The following TNFRSF19 variants were observed in gnomAD, a reference collection of about 807,000 sequenced individuals.
TNFRSF19 encodes the protein TNF receptor superfamily member 19.
A neutral mutation model predicts 46.4 loss-of-function variants in TNFRSF19; 27 were observed. That is an observed-to-expected ratio of 0.58 (90% confidence interval 0.43 to 0.80). The LOEUF is 0.80. Ranked by LOEUF, TNFRSF19 falls within the 30% of genes least tolerant of loss-of-function variation. The pLI, the probability that TNFRSF19 is intolerant of heterozygous loss-of-function variation, is 0.00. For synonymous variants in TNFRSF19, 204 were observed against 205.0 expected (o/e 1.00, Z 0.04); for missense variants, 511 against 530.8 (o/e 0.96, Z 0.37).
chr13:23,580,159 A>G (rs1878308092), intron 1 of TNFRSF19, among the ~76,000 whole-genome samples: 1 of 152,228 alleles, frequency 6.6e-6, no homozygotes, highest in African/African-American at 2.4e-5. Context: ...TTTGGCTAAT[A>G]TACTCCTGGA....
intron 5 of TNFRSF19, among the ~76,000 whole-genome samples, chr13:23,641,765 A>G (rs1250727460): frequency 6.6e-6 from 1 of 152,236 alleles, no homozygotes; most frequent in Non-Finnish European, 1.5e-5. Context: ...CCTTTGAGAT[A>G]CTTAGATAAA....
intron 3 of TNFRSF19, among the ~76,000 whole-genome samples, chr13:23,604,863 G>A (rs67252003): frequency 1.3e-5 from 2 of 152,042 alleles, no homozygotes; most frequent in South Asian, 4.1e-4. Context: ...AAAATGCAAA[G>A]CTATAAAACT....
In TNFRSF19 at chr13:23,674,243, A is replaced by C. The variant is rs145219104; in HGVS notation, c.*863A>C. On this transcript the variant is annotated 3_prime_UTR_variant, in exon 10 of 10. Coordinates refer to ENST00000248484, the MANE Select transcript of TNFRSF19 (RefSeq NM_148957.4). Reference sequence around the variant, plus strand: ...CCTGAGCTTAGAAGGTTATAGAAAAAGGGTATTTATAAACATAAATGACCT... The same window carrying C: ...CCTGAGCTTAGAAGGTTATAGAAAACGGGTATTTATAAACATAAATGACCT... 6.6e-6 allele frequency: 1 copy of C among 152,364 alleles called. No homozygotes were observed. The highest frequency in any genetic ancestry group is 1.9e-4 in the East Asian group (1 of 5,190). 9.4% of individuals were successfully genotyped at this position (152,364 alleles called of 1,614,324 possible).
intron 3 of TNFRSF19, among the ~76,000 whole-genome samples, chr13:23,598,119 C>A (rs1438045975): frequency 6.6e-6 from 1 of 152,136 alleles, no homozygotes; most frequent in East Asian, 1.9e-4. Flanking sequence ...CTATTTATGA[C>A]AAACCCACAG....
intron 4 of TNFRSF19, among the ~76,000 whole-genome samples, chr13:23,625,714 A>G (rs1881956950): frequency 6.6e-6 from 1 of 152,154 alleles, no homozygotes; most frequent in Admixed American, 6.5e-5. Flanking sequence ...AGAAGTGTAA[A>G]CTATTTTATT....
chr13:23,616,320 A>C (rs1566187333), intron 4 of TNFRSF19, among the ~76,000 whole-genome samples: 1 of 152,222 alleles, frequency 6.6e-6, no homozygotes, highest in Non-Finnish European at 1.5e-5. Context: ...TCAGTAAAAA[A>C]GAAAACTTGG....
intron 7 of TNFRSF19, among the ~76,000 whole-genome samples, chr13:23,666,710 C>T (rs928000293): frequency 7.2e-5 from 11 of 152,136 alleles, no homozygotes; most frequent in Non-Finnish European, 7.3e-5. Flanking sequence ...TCATGGTGAG[C>T]GTGACACACG....
At chr13:23,653,184 G>T (rs565259668) in intron 5 of TNFRSF19, among the ~76,000 whole-genome samples, 3 of 152,206 alleles carry the variant, frequency 2.0e-5, no homozygotes, top group Non-Finnish European at 4.4e-5. Flanking sequence ...TGAGGGGCAA[G>T]TCTAGGTCAA....
intron 1 of TNFRSF19, among the ~76,000 whole-genome samples, chr13:23,577,783 G>A (rs951282437): frequency 6.6e-6 from 1 of 152,204 alleles, no homozygotes; most frequent in African/African-American, 2.4e-5. Flanking sequence ...CTGGAAATAG[G>A]TGTAGGGCTG....
chr13:23,606,359 T>A (rs577835577), intron 3 of TNFRSF19, among the ~76,000 whole-genome samples: 252 of 151,466 alleles, frequency 1.7e-3, no homozygotes, highest in African/African-American at 4.7e-3. Flanking sequence ...ATAATTTTTT[T>A]AAAAAAAAAG....
chr13:23,655,902 A>G (rs1298607450), intron 5 of TNFRSF19, among the ~76,000 whole-genome samples: 1 of 152,160 alleles, frequency 6.6e-6, no homozygotes, highest in Non-Finnish European at 1.5e-5. Flanking sequence ...TCAATCTCCT[A>G]TTTATGTCTG....
At chr13:23,635,148 T>A (rs1014785958) in intron 5 of TNFRSF19, among the ~76,000 whole-genome samples, 72 of 152,184 alleles carry the variant, frequency 4.7e-4, no homozygotes, top group African/African-American at 1.7e-3. Context: ...AGCTCAATAC[T>A]GCCTCTCCAG....
At chr13:23,587,994 G>T (rs901588214) in intron 1 of TNFRSF19, among the ~76,000 whole-genome samples, 2 of 152,162 alleles carry the variant, frequency 1.3e-5, no homozygotes, top group Non-Finnish European at 2.9e-5. Context: ...AGTCTTCAAG[G>T]ACTGTCACAT....
chr13:23,588,312 C>T (rs1271339666), intron 1 of TNFRSF19, among the ~76,000 whole-genome samples: 2 of 152,290 alleles, frequency 1.3e-5, no homozygotes, highest in Non-Finnish European at 2.9e-5. Context: ...CTGCTCCGGG[C>T]GCTGGGCTCA....
At chr13:23,582,918 C>G (rs7323396) in intron 1 of TNFRSF19, among the ~76,000 whole-genome samples, 36,630 of 152,084 alleles carry the variant, frequency 0.24, 5,066 homozygotes, top group African/African-American at 0.37. Flanking sequence ...TTTTATTGCT[C>G]ACTAGTATTC....
At chr13:23,575,706 C>G (rs190225730) in intron 1 of TNFRSF19, among the ~76,000 whole-genome samples, 3 of 152,290 alleles carry the variant, frequency 2.0e-5, no homozygotes, top group Middle Eastern at 6.8e-3. Context: ...ACCAAAGAGA[C>G]AAAATTTCAT....
intron 3 of TNFRSF19, among the ~76,000 whole-genome samples, chr13:23,614,137 G>A (rs1024738151): frequency 1.3e-5 from 2 of 152,134 alleles, no homozygotes; most frequent in African/African-American, 4.8e-5. Context: ...AACATTGTGT[G>A]GCTGGAGCTC....
At chr13:23,671,258 A>G (rs1203432702) in intron 9 of TNFRSF19, among the ~76,000 whole-genome samples, 1 of 152,218 alleles carries the variant, frequency 6.6e-6, no homozygotes, top group Non-Finnish European at 1.5e-5. Flanking sequence ...AGTTACAATT[A>G]TATCTAAACT....
chr13:23,590,196 G>A lies in TNFRSF19; in HGVS notation c.13G>A (p.Val5Met), dbSNP rs573562321. MALK[V>M]LLEQEKTFFT... ...TTTGATAAGAAAGATGGCTTTAAAAGTGCTACTAGAACAAGAGAAAACGTT... is the reference window on the plus strand; with the variant it reads ...TTTGATAAGAAAGATGGCTTTAAAAATGCTACTAGAACAAGAGAAAACGTT... Residue 5 changes from valine (V) to methionine (M), a missense_variant, in exon 2 of 10, where the codon GTG becomes ATG. Transcript: ENST00000248484. 6 of 1,595,800 alleles carry A rather than the reference G, an allele frequency of 3.8e-6. No individual in the cohort carries two copies. The highest frequency in any genetic ancestry group is 3.4e-5 in the South Asian group (3 of 87,862).
Sources: gnomAD v4.1 joint callset for allele counts (sites outside exome capture counted in the v4.1 genomes callset) on GRCh38, gnomAD v4.1.1 for gene constraint, MANE v1.5 for transcripts, NCBI Gene and HGNC (gene_info 2026-07-23, HGNC 2026-07-21) for gene names.